Variants in MTRFR observed in about 807,000 individuals in gnomAD.
MTRFR encodes probable peptide chain release factor C12orf65, mitochondrial.
Under a neutral mutation model 11.9 loss-of-function variants are expected in MTRFR, and 10 were observed. The observed-to-expected ratio is 0.84, with a 90% CI of 0.52 to 1.42. MTRFR has a LOEUF of 1.42. Among genes scored for constraint, MTRFR ranks in the 40% most tolerant of loss-of-function variants. The pLI is 0.00. For missense variants in MTRFR, 196 were observed against 197.9 expected, an observed-to-expected ratio of 0.99 and a Z score of 0.06; for synonymous variants, 77 against 79.1, an observed-to-expected ratio of 0.97 and a Z score of 0.14.
intron 1 of MTRFR, among the ~76,000 whole-genome samples, chr12:123,235,335 T>C (rs1245071573): frequency 6.6e-6 from 1 of 152,106 alleles, no homozygotes; most frequent in Non-Finnish European, 1.5e-5. Flanking sequence ...CAGGAAGGCC[T>C]TTTTGGGACA....
At chr12:123,237,951 A>G (rs891430239) in intron 1 of MTRFR, among the ~76,000 whole-genome samples, 1 of 151,190 alleles carries the variant, frequency 6.6e-6, no homozygotes, top group Non-Finnish European at 1.5e-5. Context: ...GGTGGAGTGC[A>G]GTGGTGTGAC....
chr12:123,247,231 C>T (rs2048055585), intron 1 of MTRFR, among the ~76,000 whole-genome samples: 1 of 152,078 alleles, frequency 6.6e-6, no homozygotes. Flanking sequence ...GATGACCTGT[C>T]TAGTGCTGTC....
At chr12:123,249,625 G>A (rs576866583) in intron 1 of MTRFR, 112 of 152,876 alleles carry the variant, frequency 7.3e-4, no homozygotes, top group African/African-American at 2.5e-3. Context: ...GTCGGGGCCC[G>A]CCAAGCCCTC....
chr12:123,256,085 A>G (rs961498188), intron 2 of MTRFR, among the ~76,000 whole-genome samples: 7 of 152,180 alleles, frequency 4.6e-5, no homozygotes, highest in African/African-American at 1.4e-4. Flanking sequence ...TCTTTTATCA[A>G]ACAGCTTTGC....
Position 123,256,988 on chromosome 12 carries a change from A to G in MTRFR, c.458A>G (p.Lys153Arg). The G allele has an allele frequency of 6.2e-7, 1 of 1,612,110 alleles. No individual in the cohort carries two copies. The change falls in exon 3 of 3, where the codon AAG (lysine) becomes AGG (arginine). Residue 153 changes from lysine (K) to arginine (R), a missense_variant. Lys to Arg is a conservative substitution (Grantham distance 26). Coordinates refer to ENST00000253233, the MANE Select transcript of MTRFR (RefSeq NM_152269.5). ...GCAAAGGAAACCCTGGAAAAAAAGA[A>G]GCTACTTAAAGAACTGTGGGAGTCA... The part of the protein sequence containing the change: ...KRAKETLEKK[K>R]LLKELWESSK...
intron 1 of MTRFR, among the ~76,000 whole-genome samples, chr12:123,234,882 T>G (rs189602354): frequency 1.3e-5 from 2 of 152,358 alleles, no homozygotes; most frequent in Admixed American, 1.3e-4. Flanking sequence ...CCTTAGTACC[T>G]GATTTCACAG....
At chr12:123,252,166 G>A (rs2048121373) in intron 1 of MTRFR, 1 of 152,410 alleles carries the variant, frequency 6.6e-6, no homozygotes, top group African/African-American at 2.4e-5. Context: ...GGATGCAGTG[G>A]CTCACGCCTG....
At chr12:123,234,418 C>A (rs540557739) in intron 1 of MTRFR, among the ~76,000 whole-genome samples, 19 of 151,882 alleles carry the variant, frequency 1.3e-4, no homozygotes, top group African/African-American at 4.6e-4. Context: ...GTAGGGGGGA[C>A]AAGGTCTCTC....
At chr12:123,239,742 A>C (rs1471011975) in intron 1 of MTRFR, among the ~76,000 whole-genome samples, 1 of 152,198 alleles carries the variant, frequency 6.6e-6, no homozygotes, top group Non-Finnish European at 1.5e-5. Flanking sequence ...GTTCTAGAAC[A>C]TTAACACAAC....
chr12:123,235,260 T>A (rs1365559387), intron 1 of MTRFR, among the ~76,000 whole-genome samples: 1 of 152,188 alleles, frequency 6.6e-6, no homozygotes, highest in African/African-American at 2.4e-5. Context: ...AGTTACCCAG[T>A]AAGTAAATTG....
chr12:123,248,311 T>C (rs530814630), intron 1 of MTRFR: 3 of 152,406 alleles, frequency 2.0e-5, no homozygotes, highest in South Asian at 4.1e-4. Context: ...TTCTAGCTTG[T>C]AGTGTTTCTC....
rs903711713 is a variant in MTRFR, at chr12:123,233,498, A to C, written c.-62A>C. Reference sequence around the variant, plus strand: ...GCTGAGGTGATTTGGATATCCCTAGAACGTTGAGGGCACGAGTCGGGTCCT... The same window carrying C: ...GCTGAGGTGATTTGGATATCCCTAGCACGTTGAGGGCACGAGTCGGGTCCT... On this transcript the variant is annotated 5_prime_UTR_variant, in exon 1 of 3. Transcript: ENST00000253233. 6.6e-6 allele frequency: 1 copy of C among 152,248 alleles called. No homozygotes were observed. Among genetic ancestry groups the C allele is most frequent in the East Asian group, 1.9e-4 (1 of 5,204 alleles). The allele number at this position is 152,248 out of a possible 1,614,324, so 9.4% of individuals were successfully genotyped here. A position where few individuals can be genotyped will look rare whatever the true frequency, so the allele number is the denominator to read the frequency against.
chr12:123,244,655 CAG>C (rs1157467470), intron 1 of MTRFR, among the ~76,000 whole-genome samples: 3 of 152,050 alleles, frequency 2.0e-5, no homozygotes, highest in East Asian at 1.9e-4. Flanking sequence ...TTTTTTGAGA[CAG>C]AGTCTCGCTC....
At chr12:123,240,841 C>G (rs1171056592) in intron 1 of MTRFR, 1 of 146,620 alleles carries the variant, frequency 6.8e-6, no homozygotes, top group Non-Finnish European at 1.5e-5. Flanking sequence ...TGAAGCGATT[C>G]TCCTGCCTCA....
chr12:123,240,354 AAAG>A lies in MTRFR; in HGVS notation c.-29+6832_-29+6834del, dbSNP rs199960667. Among the ~76,000 whole-genome samples, 972 of 152,248 alleles carry A rather than the reference AAAG, an allele frequency of 6.4e-3. 11 individuals are homozygous for A. The highest frequency in any genetic ancestry group is 0.022 in the African/African-American group (909 of 41,544). On this transcript the variant is annotated intron_variant, in intron 1 of 2. Coordinates refer to ENST00000253233, the MANE Select transcript of MTRFR (RefSeq NM_152269.5). ...GTGACGGAGACTCCGTCTAAAAAAAAAAGAAGAAGAAATGCAGAGCCTCAGGCC... is the reference window on the plus strand; with the variant it reads ...GTGACGGAGACTCCGTCTAAAAAAAAAAGAAGAAATGCAGAGCCTCAGGCC...
intron 1 of MTRFR, among the ~76,000 whole-genome samples, chr12:123,234,425 T>A (rs1432076443): frequency 6.6e-6 from 1 of 152,110 alleles, no homozygotes; most frequent in Non-Finnish European, 1.5e-5. Flanking sequence ...GGACAAGGTC[T>A]CTCTCTGTCA....
Position 123,256,739 on chromosome 12 carries a change from T to C in MTRFR, c.283-74T>C. ...TAAATAAAAAAGCGAACAGGTTGAA[T>C]TTAATGACTTCTGAGGTCCTGTCCA... On this transcript the variant is annotated intron_variant, in intron 2 of 2. Coordinates refer to ENST00000253233, the MANE Select transcript of MTRFR (RefSeq NM_152269.5). The C allele has an allele frequency of 2.6e-6, 3 of 1,163,240 alleles. No individual in the cohort carries two copies. In the Admixed American group the frequency reaches 5.7e-5, roughly 22 times the overall value. 72.1% of individuals were successfully genotyped at this position (1,163,240 alleles called of 1,614,324 possible). A position where few individuals can be genotyped will look rare whatever the true frequency, so the allele number is the denominator to read the frequency against.
At chr12:123,243,603 G>A (rs2047983957) in intron 1 of MTRFR, among the ~76,000 whole-genome samples, 1 of 152,076 alleles carries the variant, frequency 6.6e-6, no homozygotes, top group Non-Finnish European at 1.5e-5. Flanking sequence ...TACTCGGGAG[G>A]CTGAGGCAGG....
chr12:123,251,737 G>A (rs1195392298), intron 1 of MTRFR, among the ~76,000 whole-genome samples: 1 of 152,172 alleles, frequency 6.6e-6, no homozygotes, highest in Non-Finnish European at 1.5e-5. Context: ...AGGGTCTGTG[G>A]GTCCTCTCAG....
Sources: gnomAD v4.1 joint callset for allele counts (sites outside exome capture counted in the v4.1 genomes callset) on GRCh38, gnomAD v4.1.1 for gene constraint, MANE v1.5 for transcripts, NCBI Gene and HGNC (gene_info 2026-07-23, HGNC 2026-07-21) for gene names.